Variants in THUMPD2 observed in about 807,000 individuals in gnomAD.
THUMPD2 encodes THUMP domain 2 tRNA and snRNA guanosine methyltransferase.
Under a neutral mutation model 49.4 loss-of-function variants are expected in THUMPD2, and 56 were observed. The observed-to-expected ratio is 1.13, with a 90% CI of 0.91 to 1.41. The LOEUF (loss-of-function observed/expected upper bound fraction) is 1.41, where lower values mean the gene tolerates loss of function less well. THUMPD2 is among the 40% of genes most tolerant of loss of function. THUMPD2 has a pLI of 0.00. For missense variants in THUMPD2, 709 were observed against 594.5 expected, an observed-to-expected ratio of 1.19 and a Z score of -2.00; for synonymous variants, 237 against 205.2, an observed-to-expected ratio of 1.15 and a Z score of -1.32.
intron 1 of THUMPD2, among the ~76,000 whole-genome samples, chr2:39,776,648 C>A (rs1192276064): frequency 6.6e-6 from 1 of 152,086 alleles, no homozygotes; most frequent in Admixed American, 6.5e-5. Context: ...GGCTTGGCCT[C>A]CCAAAGTGCT....
intron 3 of THUMPD2, chr2:39,769,003 C>T (rs1038058299): frequency 2.4e-5 from 31 of 1,304,560 alleles, no homozygotes; most frequent in African/African-American, 2.3e-4. Context: ...CTGGTGATGG[C>T]AACAGTTTGT....
rs1387644999 is a variant in THUMPD2, at chr2:39,761,421, AC to A, written c.804-4del. On this transcript the variant is annotated splice_region_variant and splice_polypyrimidine_tract_variant and intron_variant, in intron 5 of 9. Transcript: ENST00000505747. Reference sequence around the variant, plus strand: ...AAGCTCTGCTGGCTAGGGAAACCCTACAAAGGATAGAATCTGATTATATATT... The same window carrying A: ...AAGCTCTGCTGGCTAGGGAAACCCTAAAAGGATAGAATCTGATTATATATT... 2 of 1,613,194 alleles carry A rather than the reference AC, an allele frequency of 1.2e-6. No individual in the cohort carries two copies. Among genetic ancestry groups the A allele is most frequent in the South Asian group, 2.2e-5 (2 of 91,044 alleles).
intron 8 of THUMPD2, among the ~76,000 whole-genome samples, chr2:39,752,115 A>C (rs1005682840): frequency 6.6e-6 from 1 of 152,246 alleles, no homozygotes; most frequent in Non-Finnish European, 1.5e-5. Context: ...AATGTAAGTC[A>C]TAATAGGAAT....
chr2:39,744,926 T>C (rs939230806), intron 8 of THUMPD2, among the ~76,000 whole-genome samples: 2 of 152,146 alleles, frequency 1.3e-5, no homozygotes, highest in Non-Finnish European at 2.9e-5. Flanking sequence ...AAAAGAGAAT[T>C]TGGAAGGTTA....
intron 9 of THUMPD2, among the ~76,000 whole-genome samples, chr2:39,738,598 T>TA (rs56721088): frequency 0.46 from 67,693 of 146,190 alleles, 16,382 homozygotes; most frequent in East Asian, 0.82. Flanking sequence ...CATACATATG[T>TA]AAAAATATAT....
At chr2:39,738,741 T>A (rs1302465251) in intron 9 of THUMPD2, among the ~76,000 whole-genome samples, 1 of 150,940 alleles carries the variant, frequency 6.6e-6, no homozygotes, top group African/African-American at 2.4e-5. Context: ...GACTAACAGG[T>A]GATCAGGATT....
At position 39,753,938 on chromosome 2, in the gene THUMPD2, C is replaced by A. The variant is rs552324535; in HGVS notation, c.1078+1357G>T. 2.6e-5 allele frequency among the ~76,000 whole-genome samples: 4 copies of A among 152,214 alleles called. No individual in the cohort carries two copies. In the East Asian group the frequency reaches 7.7e-4, roughly 29 times the overall value. ...CTAAGATTTATGCAGTTACCTGGTA[C>A]CACAGAGAACCTTTAAAAAGCACAC... is the stretch of plus-strand genomic sequence containing the variant. On this transcript the variant is annotated intron_variant, in intron 8 of 9. Transcript: ENST00000505747.
At chr2:39,765,944 G>C in intron 5 of THUMPD2, 113 bp downstream of exon 5, 1 of 819,706 alleles carries the variant, frequency 1.2e-6, no homozygotes. Flanking sequence ...CAAATGCTTT[G>C]CCTTTAGCCT....
chr2:39,741,031 G>A (rs1673826520), intron 9 of THUMPD2, among the ~76,000 whole-genome samples: 2 of 152,042 alleles, frequency 1.3e-5, no homozygotes, highest in Admixed American at 6.6e-5. Context: ...TTCTTACTAT[G>A]AAAGCTATTC....
Position 39,771,568 on chromosome 2 carries a change from C to A in THUMPD2, c.199G>T (p.Ala67Ser), listed in dbSNP as rs144364586. ...TTAATCAGCAAAAATAATCTTTCTGCAGATTTTAATTTCTTCAACATATTC... is the reference window on the plus strand; with the variant it reads ...TTAATCAGCAAAAATAATCTTTCTGAAGATTTTAATTTCTTCAACATATTC... Reference protein sequence around the residue: ...DLNMLKKLKSAERLFLLIKKQ... With the variant: ...DLNMLKKLKSSERLFLLIKKQ... The change falls in exon 2 of 10, where the codon GCA becomes TCA. Residue 67 changes from alanine to serine, a missense_variant. Transcript: ENST00000505747. The A allele has an allele frequency of 3.7e-6, 6 of 1,606,338 alleles. No homozygotes were observed. The African/African-American group carries it at 4.0e-5, about 11-fold the overall frequency.
intron 1 of THUMPD2, among the ~76,000 whole-genome samples, chr2:39,774,740 A>C (rs1032011834): frequency 1.3e-5 from 2 of 152,176 alleles, no homozygotes; most frequent in Non-Finnish European, 2.9e-5. Context: ...CAGAGAAATA[A>C]GGCATTTGGA....
At chr2:39,737,861 G>C (rs1338896992) in intron 9 of THUMPD2, among the ~76,000 whole-genome samples, 1 of 152,204 alleles carries the variant, frequency 6.6e-6, no homozygotes, top group African/African-American at 2.4e-5. Context: ...GAAGTGGAGA[G>C]GAGGCAGCTC....
intron 6 of THUMPD2, among the ~76,000 whole-genome samples, chr2:39,759,311 CTA>C (rs2148284095): frequency 6.6e-6 from 1 of 151,872 alleles, no homozygotes; most frequent in South Asian, 2.1e-4. Flanking sequence ...AATTATAGTT[CTA>C]GTTATTAACT....
At position 39,776,394 on chromosome 2, in the gene THUMPD2, ATT is replaced by A. The variant is rs34586675; in HGVS notation, c.126+2718_126+2719del. Among the ~76,000 whole-genome samples the A allele has an allele frequency of 1.5e-3, 210 of 135,618 alleles. 1 individual carries two copies. Among genetic ancestry groups the A allele is most frequent in the African/African-American group, 3.1e-3 (111 of 36,372 alleles). The allele number at this position is 135,618 out of a possible 152,430, so 89.0% of individuals were successfully genotyped here. On this transcript the variant is annotated intron_variant, in intron 1 of 9. Transcript: ENST00000505747. The stretch of plus-strand genomic sequence containing the variant: ...CTACACCATAGAGACTCAGTATACT[ATT>A]TTTTTTTTTTTTTTTGAGATGGAGT...
rs114708903 is a variant in THUMPD2 at position 39,764,187 on chromosome 2, G to C, written c.803+1870C>G. Among the ~76,000 whole-genome samples the C allele has an allele frequency of 7.2e-3, 1,098 of 152,280 alleles. 5 individuals carry two copies. The highest frequency in any genetic ancestry group is 0.024 in the South Asian group (116 of 4,830). On this transcript the variant is annotated intron_variant, in intron 5 of 9. Transcript: ENST00000505747. ...CTAATCAAGCATTTATCACAGATCT[G>C]TGCTAACACTGGATTGAACTGTTTC...
At chr2:39,762,809 G>A (rs1021116709) in intron 5 of THUMPD2, among the ~76,000 whole-genome samples, 51 of 150,198 alleles carry the variant, frequency 3.4e-4, no homozygotes, top group African/African-American at 1.2e-3. Flanking sequence ...CGCAGTATGG[G>A]AAACCAGCTT....
At chr2:39,757,399 A>G in intron 6 of THUMPD2, 3 of 1,303,746 alleles carry the variant, frequency 2.3e-6, no homozygotes, top group Non-Finnish European at 3.0e-6. Flanking sequence ...GTTCTTCAAG[A>G]GACAGAAGCC....
At position 39,744,624 on chromosome 2, in the gene THUMPD2, A is replaced by G. The variant is rs370287084; in HGVS notation, c.1079-146T>C. ...AATATTGTTTTAAAGTAATTACAAG[A>G]TCCCAAAATGCTTTCACAATCACTA... is the stretch of plus-strand genomic sequence containing the variant. On this transcript the variant is annotated intron_variant, in intron 8 of 9. Transcript: ENST00000505747. 1.1e-3 allele frequency: 551 copies of G among 493,470 alleles called. 7 individuals carry two copies. The highest frequency in any genetic ancestry group is 0.011 in the African/African-American group (521 of 49,152). 30.6% of individuals were successfully genotyped at this position (493,470 alleles called of 1,614,324 possible).
At chr2:39,741,344 C>T (rs1673873677) in intron 9 of THUMPD2, among the ~76,000 whole-genome samples, 1 of 152,186 alleles carries the variant, frequency 6.6e-6, no homozygotes, top group African/African-American at 2.4e-5. Flanking sequence ...GAACACACCT[C>T]CTGCTGTACT....
Sources: allele counts gnomAD v4.1 joint callset (sites outside exome capture counted in the v4.1 genomes callset), GRCh38; gene constraint gnomAD v4.1.1; transcripts MANE v1.5; gene names NCBI Gene and HGNC (gene_info 2026-07-23, HGNC 2026-07-21).